Variants in ITGA10 observed in about 807,000 individuals in gnomAD.
ITGA10 encodes the protein integrin subunit alpha 10.
Under a neutral mutation model 145.2 loss-of-function variants are expected in ITGA10, and 105 were observed. That is an observed-to-expected ratio of 0.72 (90% CI 0.62 to 0.85). The LOEUF (loss-of-function observed/expected upper bound fraction) is 0.85, where lower values mean the gene tolerates loss of function less well. Ranked by LOEUF, ITGA10 falls within the 40% of genes least tolerant of loss-of-function variation. The probability of loss-of-function intolerance (pLI) is 0.00; values close to 1 mark genes in which losing one functional copy is unlikely to be tolerated. For missense variants in ITGA10, 1,317 were observed against 1,444.5 expected, an observed-to-expected ratio of 0.91 and a Z score of 1.43; for synonymous variants, 506 against 557.8, an observed-to-expected ratio of 0.91 and a Z score of 1.31.
In ITGA10 at chr1:145,895,586, A is replaced by C. The variant is rs372427059; in HGVS notation, c.3114+45T>G. 2.7e-4 allele frequency: 434 copies of C among 1,585,332 alleles called. 2 individuals are homozygous for C. The highest frequency in any genetic ancestry group is 6.7e-5 in the Admixed American group (4 of 59,838). ...CTACCCTCTTGTCCCAAGTCACCCA[A>C]CTCCACTTGCATTCCCACTCTGGAC... On this transcript the variant is annotated intron_variant, in intron 26 of 29. Coordinates refer to ENST00000369304, the MANE Select transcript of ITGA10 (RefSeq NM_003637.5).
intron 5 of ITGA10, chr1:145,906,049 G>A: frequency 4.3e-6 from 1 of 231,754 alleles, no homozygotes; most frequent in Non-Finnish European, 8.6e-6. Flanking sequence ...AGCCTCCCGA[G>A]TAGATGAGAT....
Position 145,907,085 on chromosome 1 carries a change from G to A in ITGA10, c.230C>T (p.Pro77Leu). 6.4e-7 allele frequency: 1 copy of A among 1,564,438 alleles called. No individual in the cohort carries two copies. The highest frequency in any genetic ancestry group is 8.7e-7 in the Non-Finnish European group (1 of 1,154,032). Residue 77 changes from proline to leucine, a missense_variant, in exon 3 of 30, where the codon CCT (proline) becomes CTT (leucine). By Grantham distance (98) the Pro-to-Leu change is moderately conservative (BLOSUM62 -3). Transcript: ENST00000369304. ...TGGGGCATTGTGGGCCCCCCCTACA[G>A]GGCAGCGATAAACGTCCCCCCTCCG... ...GDRRGDVYRC[P>L]VGGAHNAPCA...
intron 1 of ITGA10, among the ~76,000 whole-genome samples, chr1:145,909,071 C>T (rs973693285): frequency 1.3e-5 from 2 of 151,534 alleles, no homozygotes; most frequent in African/African-American, 4.9e-5. Flanking sequence ...GGGTGGCTGT[C>T]GGGGGCGGAT....
In ITGA10 at chr1:145,897,896, G is replaced by C. The variant is rs1553745912; in HGVS notation, c.2351C>G (p.Pro784Arg). ...GTCAGGGCCACAATCCTTTGAGAAG[G>C]GGACCTGGAAGAAAGGGAAGGGGCT... Reference protein sequence around the residue: ...GSPTSIQKLVPFSKDCGPDNE... With the variant: ...GSPTSIQKLVRFSKDCGPDNE... The change falls in exon 19 of 30, where the codon CCC (proline) becomes CGC (arginine). Residue 784 changes from proline (P) to arginine (R), a missense_variant. Transcript: ENST00000369304. 2 of 1,613,528 alleles carry C rather than the reference G, an allele frequency of 1.2e-6. No individual in the cohort carries two copies. Among genetic ancestry groups the C allele is most frequent in the African/African-American group, 1.3e-5 (1 of 75,012 alleles).
intron 17 of ITGA10, among the ~76,000 whole-genome samples, chr1:145,898,571 T>C (rs1553746290): frequency 6.6e-6 from 1 of 152,086 alleles, no homozygotes. Flanking sequence ...GGTTTCACCA[T>C]GTTAGCCAGG....
chr1:145,907,896 G>A (rs942457580), intron 1 of ITGA10, among the ~76,000 whole-genome samples: 23 of 146,292 alleles, frequency 1.6e-4, no homozygotes, highest in East Asian at 8.4e-4. Flanking sequence ...TCAGCCTCCC[G>A]TGTAGCTGGC....
rs1553747784 is a variant in ITGA10 at position 145,900,808 on chromosome 1, G to A, written c.1773C>T (p.Val591=). ...LYLYHGTQSG[V]RPHPAQRIAA... is the part of the protein sequence containing the mutation. ...TCCTGACCTGGGCAGGATGGGGCCT[G>A]ACTCCACTCTGGGTTCCATGGTACA... The change falls in exon 14 of 30, where the codon GTC becomes GTT. Residue 591 remains valine, a synonymous_variant. Transcript: ENST00000369304. 1.2e-6 allele frequency: 2 copies of A among 1,614,150 alleles called. No individual in the cohort carries two copies. Among genetic ancestry groups the A allele is most frequent in the Admixed American group, 1.7e-5 (1 of 60,024 alleles).
At chr1:145,905,742 A>T (rs1282522746) in intron 5 of ITGA10, 1 of 152,026 alleles carries the variant, frequency 6.6e-6, no homozygotes, top group Admixed American at 6.6e-5. Context: ...ATACCCAGCT[A>T]ATTTTTTTAT....
At chr1:145,895,485 C>A in intron 26 of ITGA10, 92 bp from the exon 27 acceptor site, 2 of 1,340,288 alleles carry the variant, frequency 1.5e-6, no homozygotes, top group South Asian at 2.4e-5. Context: ...TGTCCCAAGG[C>A]ACCTGACTCC....
rs587726616 is a variant in ITGA10 at position 145,909,657 on chromosome 1, T to G, written c.52+306A>C. ...TTATATGTATATTATATATAATATA[T>G]AATTGTTATATATTATATGTATATT... On this transcript the variant is annotated intron_variant, in intron 1 of 29. Transcript: ENST00000369304. Among the ~76,000 whole-genome samples, 156 of 137,840 alleles carry G rather than the reference T, an allele frequency of 1.1e-3. 3 individuals carry two copies. In the South Asian group the frequency reaches 0.033, roughly 29 times the overall value. The allele number at this position is 137,840 out of a possible 152,430, so 90.4% of individuals were successfully genotyped here. A position where few individuals can be genotyped will look rare whatever the true frequency, so the allele number is the denominator to read the frequency against.
Position 145,906,516 on chromosome 1 carries a change from TG to T in ITGA10, c.367-9del. On this transcript the variant is annotated splice_polypyrimidine_tract_variant and intron_variant, in intron 4 of 29. Coordinates refer to ENST00000369304, the MANE Select transcript of ITGA10 (RefSeq NM_003637.5). The stretch of plus-strand genomic sequence containing the variant: ...CCAGAGAGGGGCACAGGCCTGGGGA[TG>T]GGGGAAATAGTTACTCCCAGGCTTG... 1 of 1,612,192 alleles carries T rather than the reference TG, an allele frequency of 6.2e-7. No homozygotes were observed. The highest frequency in any genetic ancestry group is 8.5e-7 in the Non-Finnish European group (1 of 1,178,286).
At position 145,904,566 on chromosome 1, in the gene ITGA10, G is replaced by A. The variant is rs148961887; in HGVS notation, c.609+118C>T. ...TTTTCTTTCATATTTTTAGAGATGA[G>A]GTCTCACTGTATTGCCCAGGCTAGT... On this transcript the variant is annotated intron_variant, in intron 6 of 29. Coordinates refer to ENST00000369304, the MANE Select transcript of ITGA10 (RefSeq NM_003637.5). 1.1e-3 allele frequency: 1,172 copies of A among 1,042,354 alleles called. 21 individuals carry two copies. In the Admixed American group the frequency reaches 0.024, roughly 21 times the overall value. 64.6% of individuals were successfully genotyped at this position (1,042,354 alleles called of 1,614,324 possible). A position where few individuals can be genotyped will look rare whatever the true frequency, so the allele number is the denominator to read the frequency against.
chr1:145,906,225 G>A (rs1374900695), intron 5 of ITGA10, 169 bp downstream of exon 5: 1 of 573,244 alleles, frequency 1.7e-6, no homozygotes, highest in Non-Finnish European at 3.1e-6. Context: ...CACCACACCT[G>A]GCCAGGAGTC....
chr1:145,902,861 C>T lies in ITGA10; in HGVS notation c.859G>A (p.Ala287Thr). 3 of 1,613,942 alleles carry T rather than the reference C, an allele frequency of 1.9e-6. No homozygotes were observed. The East Asian group carries it at 6.7e-5, about 36-fold the overall frequency. The change falls in exon 8 of 30, where the codon GCA (alanine) becomes ACA (threonine). Residue 287 changes from alanine (A) to threonine (T), a missense_variant. Transcript: ENST00000369304. ...CCAGCCTCACAGGCCTTTAGTGCTGCAGGAAGCTCCTCTCCATCATGGGAC... is the reference window on the plus strand; with the variant it reads ...CCAGCCTCACAGGCCTTTAGTGCTGTAGGAAGCTCCTCTCCATCATGGGAC... ...GESHDGEELP[A>T]ALKACEAGRV...
At position 145,901,104 on chromosome 1, in the gene ITGA10, G is replaced by A; in HGVS notation, c.1587+31C>T. The A allele has an allele frequency of 6.2e-7, 1 of 1,613,420 alleles. No individual in the cohort carries two copies. The highest frequency in any genetic ancestry group is 8.5e-7 in the Non-Finnish European group (1 of 1,179,690). On this transcript the variant is annotated intron_variant, in intron 13 of 29. Coordinates refer to ENST00000369304, the MANE Select transcript of ITGA10 (RefSeq NM_003637.5). This position sits in a 1 kb window ranked among gnomAD's most constrained non-coding sequence, Gnocchi z 4.3. ...TCCTCCCTCCACCCCCACAATGCAA[G>A]TCCAGGGCAGGGGGTCCCAGCAAGT... is the stretch of plus-strand genomic sequence containing the variant.
At position 145,907,142 on chromosome 1, in the gene ITGA10, A is replaced by G. The variant is rs1480357724; in HGVS notation, c.173T>C (p.Val58Ala). 15 of 1,560,118 alleles carry G rather than the reference A, an allele frequency of 9.6e-6. No homozygotes were observed. The highest frequency in any genetic ancestry group is 3.9e-5 in the Admixed American group (2 of 51,648). Reference protein sequence around the residue: ...HVGGGQRWMLVGAPWDGPSGD... With the variant: ...HVGGGQRWMLAGAPWDGPSGD... The stretch of plus-strand genomic sequence containing the variant: ...TGAAGGCCCATCCCAGGGGGCGCCC[A>G]CCAGCATCCTGGGAAGAGGATGTGA... The change falls in exon 3 of 30, where the codon GTG becomes GCG. Residue 58 changes from valine (V) to alanine (A), a missense_variant. Physicochemically the swap from Val to Ala is moderately conservative, Grantham distance 64 (BLOSUM62 0). Coordinates refer to ENST00000369304, the MANE Select transcript of ITGA10 (RefSeq NM_003637.5).
At chr1:145,898,610 C>T (rs1447993454) in intron 17 of ITGA10, among the ~76,000 whole-genome samples, 2 of 152,118 alleles carry the variant, frequency 1.3e-5, no homozygotes, top group Non-Finnish European at 2.9e-5. Flanking sequence ...CCTTGTGATC[C>T]ACCTGCCTCG....
At chr1:145,909,896 G>T in intron 1 of ITGA10, 67 bp downstream of exon 1, 2 of 1,345,602 alleles carry the variant, frequency 1.5e-6, no homozygotes, top group Non-Finnish European at 2.1e-6. Context: ...AACTATAATG[G>T]TCCCAATTCC....
intron 5 of ITGA10, among the ~76,000 whole-genome samples, chr1:145,905,500 C>T (rs1213937927): frequency 2.6e-5 from 4 of 151,898 alleles, no homozygotes; most frequent in African/African-American, 7.3e-5. Flanking sequence ...AGGATGGTCT[C>T]GATCTCCTGA....
Sources: gnomAD v4.1 joint callset for allele counts (sites outside exome capture counted in the v4.1 genomes callset) on GRCh38, gnomAD v4.1.1 for gene constraint, Gnocchi (gnomAD v3.1) non-coding constraint, MANE v1.5 for transcripts, NCBI Gene and HGNC (gene_info 2026-07-23, HGNC 2026-07-21) for gene names.